Variants in DLG2 observed in about 807,000 individuals in gnomAD.
The protein encoded by DLG2 is disks large homolog 2.
Under a neutral mutation model 132.5 loss-of-function variants are expected in DLG2, and 45 were observed. That is an observed-to-expected ratio of 0.34 (90% CI 0.27 to 0.44). DLG2 has a LOEUF of 0.44. DLG2 is among the 20% of genes least tolerant of loss of function. The pLI, the probability that DLG2 is intolerant of heterozygous loss-of-function variation, is 1.00. For synonymous variants in DLG2, 424 were observed against 419.6 expected, an observed-to-expected ratio of 1.01 and a Z score of -0.13; for missense variants, 1,045 against 1,196.9, an observed-to-expected ratio of 0.87 and a Z score of 1.87.
At chr11:85,309,427 A>AC (rs1198399428) in intron 3 of DLG2, among the ~76,000 whole-genome samples, 2 of 56,200 alleles carry the variant, frequency 3.6e-5, no homozygotes, top group African/African-American at 9.9e-5. Flanking sequence ...GGGGTTTTCT[A>AC]CCAAAAAAAA....
At chr11:84,458,459 T>C (rs2099071300) in intron 7 of DLG2, among the ~76,000 whole-genome samples, 2 of 151,002 alleles carry the variant, frequency 1.3e-5, no homozygotes, top group African/African-American at 2.4e-5. Flanking sequence ...CTTTGCCAAA[T>C]TGATAGCTTA....
rs528088092 is a variant in DLG2 at position 84,923,937 on chromosome 11, A to C, written c.357+187724T>G. Among the ~76,000 whole-genome samples, 4 of 152,258 alleles carry C rather than the reference A, an allele frequency of 2.6e-5. No individual in the cohort carries two copies. In the South Asian group the frequency reaches 8.3e-4, roughly 32 times the overall value. On this transcript the variant is annotated intron_variant, in intron 6 of 27. Coordinates refer to ENST00000376104, the MANE Select transcript of DLG2 (RefSeq NM_001142699.3). ...AAACTATGTTTTATTGGTACATGAC[A>C]ATCAGTAATGAGATGGGGTTGAAAT...
At chr11:85,204,255 T>A (rs997388753) in intron 4 of DLG2, among the ~76,000 whole-genome samples, 1 of 152,164 alleles carries the variant, frequency 6.6e-6, no homozygotes, top group South Asian at 2.1e-4. Flanking sequence ...TTTATCCTTG[T>A]TTGCAGAAGA....
chr11:83,578,394 T>G (rs997161842), intron 19 of DLG2, among the ~76,000 whole-genome samples: 1 of 152,008 alleles, frequency 6.6e-6, no homozygotes, highest in Non-Finnish European at 1.5e-5. Context: ...ATGATTAGAC[T>G]TAAACCTAAT....
intron 6 of DLG2, among the ~76,000 whole-genome samples, chr11:85,092,018 C>T (rs1277302706): frequency 6.6e-6 from 1 of 152,156 alleles, no homozygotes; most frequent in Non-Finnish European, 1.5e-5. Context: ...AAAGGAATTA[C>T]AATCTATGGC....
At position 84,771,822 on chromosome 11, in the gene DLG2, G is replaced by A. The variant is rs532930609; in HGVS notation, c.358-237091C>T. On this transcript the variant is annotated intron_variant, in intron 6 of 27. Transcript: ENST00000376104. ...AACCATAAATGTAAATGCTCTAAAT[G>A]CCTCACGTAAAATGCACAGAATTCC... 2.8e-4 allele frequency among the ~76,000 whole-genome samples: 42 copies of A among 151,970 alleles called. 1 individual carries two copies. In the South Asian group the frequency reaches 7.9e-3, roughly 29 times the overall value.
chr11:85,191,557 A>G (rs2080578253), intron 4 of DLG2, among the ~76,000 whole-genome samples: 1 of 152,178 alleles, frequency 6.6e-6, no homozygotes, highest in African/African-American at 2.4e-5. Flanking sequence ...TCCATATCCC[A>G]TCACTAATTT....
chr11:84,099,136 A>C (rs1388786559), intron 9 of DLG2, 89 bp from the exon 10 acceptor site: 1 of 1,218,600 alleles, frequency 8.2e-7, no homozygotes, highest in African/African-American at 1.5e-5. Flanking sequence ...GTTACTACTC[A>C]AATGGAAATC....
chr11:83,535,232 A>T (rs2095852657), intron 20 of DLG2, among the ~76,000 whole-genome samples: 1 of 152,216 alleles, frequency 6.6e-6, no homozygotes, highest in Non-Finnish European at 1.5e-5. Flanking sequence ...GCTTCTTTGC[A>T]TTAACTGGGC....
chr11:84,208,489 G>A (rs1451009023), intron 8 of DLG2, among the ~76,000 whole-genome samples: 2 of 151,826 alleles, frequency 1.3e-5, no homozygotes, highest in Non-Finnish European at 2.9e-5. Flanking sequence ...GACTACAGGT[G>A]CGCGCCACCA....
chr11:83,948,638 G>C (rs1321870879), intron 14 of DLG2, among the ~76,000 whole-genome samples: 1 of 150,412 alleles, frequency 6.6e-6, no homozygotes, highest in East Asian at 1.9e-4. Flanking sequence ...AGCCATACTT[G>C]AGTTGGTCTG....
intron 7 of DLG2, among the ~76,000 whole-genome samples, chr11:84,516,929 G>A (rs2099274919): frequency 6.9e-6 from 1 of 145,656 alleles, no homozygotes; most frequent in African/African-American, 2.5e-5. Context: ...TTAAAACTAT[G>A]AAACTACTAG....
intron 6 of DLG2, among the ~76,000 whole-genome samples, chr11:84,760,318 C>T (rs1035481330): frequency 2.0e-5 from 3 of 152,178 alleles, no homozygotes; most frequent in African/African-American, 4.8e-5. Context: ...CCTTCTGAGT[C>T]TTCTAATGGA....
intron 19 of DLG2, among the ~76,000 whole-genome samples, chr11:83,620,433 TC>T (rs1305772279): frequency 6.6e-6 from 1 of 152,214 alleles, no homozygotes; most frequent in Non-Finnish European, 1.5e-5. Context: ...TTCCTTTTTA[TC>T]TTTTAATAAG....
chr11:83,610,489 C>G (rs1269940481), intron 19 of DLG2, among the ~76,000 whole-genome samples: 3 of 152,058 alleles, frequency 2.0e-5, no homozygotes, highest in Non-Finnish European at 2.9e-5. Context: ...GTAAACAAAG[C>G]AAAGAGGGAA....
At chr11:85,136,624 T>C (rs2076160763) in intron 5 of DLG2, among the ~76,000 whole-genome samples, 1 of 152,226 alleles carries the variant, frequency 6.6e-6, no homozygotes, top group Non-Finnish European at 1.5e-5. Flanking sequence ...ATATTGATTC[T>C]TAGTAAAACC....
chr11:84,344,960 A>C (rs1407670244), intron 7 of DLG2, among the ~76,000 whole-genome samples: 15 of 151,986 alleles, frequency 9.9e-5, no homozygotes, highest in Admixed American at 9.8e-4. Flanking sequence ...AGCTGAAGTG[A>C]AAAAAAAGAG....
At chr11:84,451,362 G>C (rs1158714055) in intron 7 of DLG2, among the ~76,000 whole-genome samples, 1 of 151,786 alleles carries the variant, frequency 6.6e-6, no homozygotes, top group Non-Finnish European at 1.5e-5. Context: ...TTCTAAAGCA[G>C]ATAATTATTT....
chr11:83,732,992 A>G (rs1444852002), intron 18 of DLG2, among the ~76,000 whole-genome samples: 2 of 152,188 alleles, frequency 1.3e-5, no homozygotes, highest in Non-Finnish European at 2.9e-5. Flanking sequence ...CTGTAATCCC[A>G]GCACTTTCGG....
Sources: gnomAD v4.1 joint callset for allele counts (sites outside exome capture counted in the v4.1 genomes callset) on GRCh38, gnomAD v4.1.1 for gene constraint, MANE v1.5 for transcripts, NCBI Gene and HGNC (gene_info 2026-07-23, HGNC 2026-07-21) for gene names.